The following ARB2A variants were observed in gnomAD, a reference collection of about 807,000 sequenced individuals.
The protein encoded by ARB2A is cotranscriptional regulator ARB2A.
chr5:93,974,444 T>C, the ARB2A span, among the ~76,000 whole-genome samples: 2 of 152,110 alleles, frequency 1.3e-5, no homozygotes, highest in African/African-American at 2.4e-5. Context: ...CCCAAATCTA[T>C]AAAACAATTA....
the ARB2A span, among the ~76,000 whole-genome samples, chr5:93,825,930 A>C: frequency 1.3e-5 from 2 of 151,838 alleles, no homozygotes; most frequent in African/African-American, 2.4e-5. Flanking sequence ...TGAAATTATC[A>C]AAATATATAT....
chr5:93,826,484 A>G, the ARB2A span, among the ~76,000 whole-genome samples: 1 of 152,190 alleles, frequency 6.6e-6, no homozygotes, highest in Non-Finnish European at 1.5e-5. Context: ...TACCACAGAC[A>G]TGTCAAACTC....
chr5:93,620,918 C>T, the ARB2A span: 8 of 1,517,458 alleles, frequency 5.3e-6, no homozygotes, highest in Non-Finnish European at 7.0e-6. Context: ...GGAGTCCGCT[C>T]GACACAAGCA....
the ARB2A span, among the ~76,000 whole-genome samples, chr5:93,989,685 T>C: frequency 1.3e-5 from 2 of 152,194 alleles, no homozygotes; most frequent in Non-Finnish European, 2.9e-5. Context: ...ACTACATAAA[T>C]GTATATGATT....
the ARB2A span, among the ~76,000 whole-genome samples, chr5:93,709,455 A>G: frequency 2.0e-5 from 3 of 151,884 alleles, no homozygotes; most frequent in Non-Finnish European, 4.4e-5. Context: ...CAACATGGTG[A>G]AACCCCATCT....
the ARB2A span, among the ~76,000 whole-genome samples, chr5:93,817,277 G>A: frequency 9.2e-5 from 14 of 152,212 alleles, no homozygotes; most frequent in African/African-American, 3.4e-4. Flanking sequence ...ATAAATTTAA[G>A]AGGAGAAGCT....
the ARB2A span, among the ~76,000 whole-genome samples, chr5:94,085,002 TA>T: frequency 6.6e-6 from 1 of 152,134 alleles, no homozygotes; most frequent in Non-Finnish European, 1.5e-5. Context: ...TAGAAAAAAT[TA>T]AGAAGTCCGA....
chr5:93,808,401 TAA>T, the ARB2A span, among the ~76,000 whole-genome samples: 597 of 127,296 alleles, frequency 4.7e-3, 2 homozygotes, highest in African/African-American at 0.015. Context: ...GGAAATAATC[TAA>T]AAAAAAAAAA....
the ARB2A span, among the ~76,000 whole-genome samples, chr5:94,070,288 T>C: frequency 6.6e-6 from 1 of 151,944 alleles, no homozygotes; most frequent in Non-Finnish European, 1.5e-5. Context: ...GTTGATCTCA[T>C]GGAAGTAGGG....
the ARB2A span, among the ~76,000 whole-genome samples, chr5:94,033,220 G>T: frequency 2.0e-5 from 3 of 152,100 alleles, no homozygotes; most frequent in Non-Finnish European, 2.9e-5. Flanking sequence ...ATAACAGTGT[G>T]AGAATATACT....
chr5:93,746,618 A>G, the ARB2A span, among the ~76,000 whole-genome samples: 34 of 152,202 alleles, frequency 2.2e-4, no homozygotes, highest in Admixed American at 2.2e-3. Context: ...CATGACACAA[A>G]TATGACACAA....
At chr5:93,945,265 T>C in the ARB2A span, among the ~76,000 whole-genome samples, 2 of 151,982 alleles carry the variant, frequency 1.3e-5, no homozygotes, top group East Asian at 1.9e-4. Flanking sequence ...CACACAAAAA[T>C]TAGCCAGGTG....
chr5:94,028,594 C>A, the ARB2A span, among the ~76,000 whole-genome samples: 103 of 152,298 alleles, frequency 6.8e-4, no homozygotes, highest in African/African-American at 2.3e-3. Context: ...CTTCAAGCTT[C>A]CTAAAACTTT....
chr5:93,777,844 T>C, the ARB2A span, among the ~76,000 whole-genome samples: 1 of 152,136 alleles, frequency 6.6e-6, no homozygotes, highest in Non-Finnish European at 1.5e-5. Flanking sequence ...TCCTCACCAA[T>C]AAAGGCCGAG....
At chr5:94,027,121 T>A in the ARB2A span, among the ~76,000 whole-genome samples, 2 of 152,142 alleles carry the variant, frequency 1.3e-5, no homozygotes, top group African/African-American at 4.8e-5. Context: ...AAACCCAACA[T>A]CCTTGGGGGT....
the ARB2A span, among the ~76,000 whole-genome samples, chr5:93,918,305 A>G: frequency 6.6e-6 from 1 of 152,188 alleles, no homozygotes; most frequent in Non-Finnish European, 1.5e-5. Context: ...GTGTATACGC[A>G]TGTGTAAACA....
chr5:93,879,571 A>C, the ARB2A span, among the ~76,000 whole-genome samples: 1 of 151,922 alleles, frequency 6.6e-6, no homozygotes, highest in African/African-American at 2.4e-5. Context: ...AAGCAACATA[A>C]AAAGAATGTT....
the ARB2A span, among the ~76,000 whole-genome samples, chr5:93,779,364 T>C: frequency 6.6e-6 from 1 of 152,206 alleles, no homozygotes; most frequent in Non-Finnish European, 1.5e-5. Context: ...AAGTGTCTTT[T>C]GGTGCTTTTC....
the ARB2A span, among the ~76,000 whole-genome samples, chr5:93,658,701 G>A: frequency 6.6e-6 from 1 of 151,992 alleles, no homozygotes; most frequent in Non-Finnish European, 1.5e-5. Context: ...GAGCTTATAT[G>A]TTTTTGCTTT....
Sources: allele counts gnomAD v4.1 joint callset (sites outside exome capture counted in the v4.1 genomes callset), GRCh38; gene constraint gnomAD v4.1.1; transcripts MANE v1.5; gene names NCBI Gene and HGNC (gene_info 2026-07-23, HGNC 2026-07-21).